DBX1: variants seen among roughly 807,000 people sequenced by gnomAD.
The protein encoded by DBX1 is developing brain homeobox 1.
Under a neutral mutation model 20.8 loss-of-function variants are expected in DBX1, and 10 were observed. That is an observed-to-expected ratio of 0.48 (90% confidence interval 0.30 to 0.82). DBX1 has a LOEUF of 0.82. Ranked by LOEUF, DBX1 falls within the 40% of genes least tolerant of loss-of-function variation. DBX1 has a pLI of 0.07. For synonymous variants in DBX1, 241 were observed against 213.9 expected (o/e 1.13, Z -1.11); for missense variants, 505 against 468.8 (o/e 1.08, Z -0.71).
chr11:20,156,551 C>G lies in DBX1; in HGVS notation c.695G>C (p.Arg232Pro). 1 of 1,614,046 alleles carries G rather than the reference C, an allele frequency of 6.2e-7. No individual in the cohort carries two copies. Among genetic ancestry groups the G allele is most frequent in the Non-Finnish European group, 8.5e-7 (1 of 1,180,022 alleles). Residue 232 changes from arginine (R) to proline (P), a missense_variant, in exon 4 of 4, where the codon CGA becomes CCA. Transcript: ENST00000524983. This position sits in a 1 kb window ranked among gnomAD's most constrained non-coding sequence, Gnocchi z 4.8. ...CTTGGAGTTCCGCCATTTCATGCGT[C>G]GGTTCTGGAACCAGATTTTCACCTG... is the stretch of plus-strand genomic sequence containing the variant. ...DSQVKIWFQN[R>P]RMKWRNSKER...
chr11:20,157,851 A>G (rs2063668472), intron 2 of DBX1, among the ~76,000 whole-genome samples: 1 of 152,166 alleles, frequency 6.6e-6, no homozygotes, highest in African/African-American at 2.4e-5. Flanking sequence ...GGGTATTGGT[A>G]TGATAAAAGG....
In DBX1 at chr11:20,159,280, G is replaced by A. The variant is rs1180976602; in HGVS notation, c.380C>T (p.Ala127Val). The change falls in exon 2 of 4, where the codon GCC becomes GTC. Residue 127 changes from alanine (A) to valine (V), a missense_variant. Transcript: ENST00000524983. ...SSGPRTETSP[A>V]LLQSVPPKTF... ...CTTGGGAGGGACGCTCTGGAGCAAG[G>A]CTGGGGATGTTTCTGGTGGGCGATG... The A allele has an allele frequency of 1.3e-5, 21 of 1,613,250 alleles. No individual in the cohort carries two copies. The highest frequency in any genetic ancestry group is 1.7e-5 in the Non-Finnish European group (20 of 1,179,388).
rs911395558 is a variant in DBX1, at chr11:20,157,075, T to A, written c.634A>T (p.Lys212Ter). The A allele has an allele frequency of 1.9e-6, 3 of 1,613,924 alleles. No homozygotes were observed. Among genetic ancestry groups the A allele is most frequent in the Non-Finnish European group, 2.5e-6 (3 of 1,180,006 alleles). ...AGGCCCAGCTTGGCCGCCAGCTTCT[T>A]GCGGTCGGGCTTGCTGATGTACTTC... ...KQKYISKPDR[K>*]KLAAKLGLKD... The change falls in exon 3 of 4, where the codon AAG becomes TAG. Residue 212 changes from lysine to a stop codon, truncating the protein, a stop_gained. Coordinates refer to ENST00000524983, the MANE Select transcript of DBX1 (RefSeq NM_001029865.4). LOFTEE classifies it low-confidence loss of function (END_TRUNC).
At chr11:20,157,706 T>G (rs796364624) in intron 2 of DBX1, among the ~76,000 whole-genome samples, 33 of 152,364 alleles carry the variant, frequency 2.2e-4, no homozygotes, top group African/African-American at 7.7e-4. Flanking sequence ...AAATCCGATT[T>G]AGATTTTTTG....
rs747897477 is a variant in DBX1 at position 20,160,301 on chromosome 11, C to T, written c.24G>A (p.Ala8=). The change falls in exon 1 of 4, where the codon GCG becomes GCA. Residue 8 remains alanine (A), a synonymous_variant. Coordinates refer to ENST00000524983, the MANE Select transcript of DBX1 (RefSeq NM_001029865.4). MMFPGLL[A]PPAGYPSLLR... ...GGAGGCTAGGGTACCCGGCGGGGGG[C>T]GCGAGGAGGCCGGGGAACATCATGG... 2 of 1,524,828 alleles carry T rather than the reference C, an allele frequency of 1.3e-6. No individual in the cohort carries two copies. Among genetic ancestry groups the T allele is most frequent in the African/African-American group, 1.4e-5 (1 of 72,412 alleles). The allele number at this position is 1,524,828 out of a possible 1,614,324, so 94.5% of individuals were successfully genotyped here.
At position 20,156,986 on chromosome 11, in the gene DBX1, G is replaced by T. The variant is rs760608013; in HGVS notation, c.672+51C>A. The T allele has an allele frequency of 6.4e-7, 1 of 1,568,090 alleles. No homozygotes were observed. The highest frequency in any genetic ancestry group is 8.7e-7 in the Non-Finnish European group (1 of 1,150,436). On this transcript the variant is annotated intron_variant, in intron 3 of 3. Transcript: ENST00000524983. This position sits in a 1 kb window ranked among gnomAD's most constrained non-coding sequence, Gnocchi z 4.8. ...CCTTGCAATTGACGGGTGCGCCGGG[G>T]AGGGGTGAAGGGCGGGGGCGGGGGG...
Position 20,157,036 on chromosome 11 carries a change from C to T in DBX1, c.672+1G>A. ...GGGTGCTGTGGAGGAAATGCGCTCA[C>T]CTGCGAGTCTTTCAGGCCCAGCTTG... On this transcript the variant is annotated splice_donor_variant, in intron 3 of 3. Coordinates refer to ENST00000524983, the MANE Select transcript of DBX1 (RefSeq NM_001029865.4). LOFTEE classifies it high-confidence loss of function. The T allele has an allele frequency of 5.6e-6, 9 of 1,613,780 alleles. No homozygotes were observed. Among genetic ancestry groups the T allele is most frequent in the Non-Finnish European group, 6.8e-6 (8 of 1,179,978 alleles).
At position 20,160,110 on chromosome 11, in the gene DBX1, G is replaced by A. The variant is rs954904069; in HGVS notation, c.215C>T (p.Thr72Met). The A allele has an allele frequency of 1.3e-6, 2 of 1,551,792 alleles. No individual in the cohort carries two copies. The highest frequency in any genetic ancestry group is 1.7e-6 in the Non-Finnish European group (2 of 1,147,226). Residue 72 changes from threonine (T) to methionine (M), a missense_variant, in exon 1 of 4, where the codon ACG (threonine) becomes ATG (methionine). By Grantham distance (81) the Thr-to-Met change is moderately conservative (BLOSUM62 -1). Transcript: ENST00000524983. ...SMSPPRQGAP[T>M]ALTDTGASDL... ...CGAGGCCCCCGTGTCGGTGAGGGCC[G>A]TGGGGGCCCCCTGCCTGGGCGGCGA...
In DBX1 at chr11:20,156,525, C is replaced by A; in HGVS notation, c.721G>T (p.Glu241Ter). ...NRRMKWRNSK[E>*]RELLSSGGCR... is the part of the protein sequence containing the mutation. ...CCCCCGCTAGACAGGAGTTCGCGCT[C>A]CTTGGAGTTCCGCCATTTCATGCGT... Residue 241 changes from glutamate to a stop codon, truncating the protein, a stop_gained, in exon 4 of 4, where the codon GAG becomes TAG. Transcript: ENST00000524983. LOFTEE classifies it high-confidence loss of function. This position sits in a 1 kb window ranked among gnomAD's most constrained non-coding sequence, Gnocchi z 4.8. 1 of 1,614,046 alleles carries A rather than the reference C, an allele frequency of 6.2e-7. No individual in the cohort carries two copies. Among genetic ancestry groups the A allele is most frequent in the Non-Finnish European group, 8.5e-7 (1 of 1,180,026 alleles).
chr11:20,157,317 C>G (rs987069150), intron 2 of DBX1, 78 bp from the exon 3 acceptor site: 3 of 1,330,344 alleles, frequency 2.3e-6, no homozygotes, highest in Non-Finnish European at 2.1e-6. Context: ...GCTTTTTGCT[C>G]TGATCCCTTC....
rs772688517 is a variant in DBX1 at position 20,159,333 on chromosome 11, CAGAA to C, written c.368-45_368-42del. The C allele has an allele frequency of 7.5e-4, 1,010 of 1,337,794 alleles. 2 individuals carry two copies. The highest frequency in any genetic ancestry group is 1.0e-3 in the Non-Finnish European group (941 of 929,634). 82.9% of individuals were successfully genotyped at this position (1,337,794 alleles called of 1,614,324 possible). A position where few individuals can be genotyped will look rare whatever the true frequency, so the allele number is the denominator to read the frequency against. On this transcript the variant is annotated intron_variant, in intron 1 of 3. Coordinates refer to ENST00000524983, the MANE Select transcript of DBX1 (RefSeq NM_001029865.4). Reference sequence around the variant, plus strand: ...GGGGGGACAGAAGGAGAGAGGGAGACAGAAAGAATCTGATTACGTACTTGCCTAT... The same window carrying C: ...GGGGGGACAGAAGGAGAGAGGGAGACAGAATCTGATTACGTACTTGCCTAT...
chr11:20,156,318 G>A lies in DBX1; in HGVS notation c.928C>T (p.Pro310Ser), dbSNP rs765981718. Reference protein sequence around the residue: ...LRDPRLPGPLPPSPAHSSSPG... With the variant: ...LRDPRLPGPLSPSPAHSSSPG... ...CTGCTCGAGTGCGCGGGCGAGGGGG[G>A]CAGCGGCCCTGGCAGCCGCGGGTCC... Residue 310 changes from proline to serine, a missense_variant, in exon 4 of 4, where the codon CCC (proline) becomes TCC (serine). Coordinates refer to ENST00000524983, the MANE Select transcript of DBX1 (RefSeq NM_001029865.4). This position sits in a 1 kb window ranked among gnomAD's most constrained non-coding sequence, Gnocchi z 4.8. The A allele has an allele frequency of 1.7e-5, 26 of 1,570,182 alleles. No individual in the cohort carries two copies. In the African/African-American group the frequency reaches 2.3e-4, roughly 14 times the overall value.
Position 20,156,444 on chromosome 11 carries a change from C to G in DBX1, c.802G>C (p.Val268Leu). 6.2e-7 allele frequency: 1 copy of G among 1,610,244 alleles called. No individual in the cohort carries two copies. The highest frequency in any genetic ancestry group is 8.5e-7 in the Non-Finnish European group (1 of 1,178,228). ...KLNPHPDLSD[V>L]GQKGPGNEEE... ...TCGTTCCCAGGGCCCTTCTGGCCCA[C>G]GTCGCTGAGGTCCGGGTGCGGATTG... Residue 268 changes from valine (V) to leucine (L), a missense_variant, in exon 4 of 4, where the codon GTG becomes CTG. Coordinates refer to ENST00000524983, the MANE Select transcript of DBX1 (RefSeq NM_001029865.4). This position sits in a 1 kb window ranked among gnomAD's most constrained non-coding sequence, Gnocchi z 4.8.
Position 20,156,507 on chromosome 11 carries a change from T to A in DBX1, c.739A>T (p.Ser247Cys), listed in dbSNP as rs758501706. The A allele has an allele frequency of 6.2e-7, 1 of 1,613,962 alleles. No individual in the cohort carries two copies. Reference protein sequence around the residue: ...RNSKERELLSSGGCREQTLPT... With the variant: ...RNSKERELLSCGGCREQTLPT... ...AGGGTCTGCTCGCGACAGCCCCCGC[T>A]AGACAGGAGTTCGCGCTCCTTGGAG... Residue 247 changes from serine to cysteine, a missense_variant, in exon 4 of 4, where the codon AGC becomes TGC. Coordinates refer to ENST00000524983, the MANE Select transcript of DBX1 (RefSeq NM_001029865.4). The surrounding 1 kb of genome is among the most constrained non-coding windows in gnomAD (Gnocchi z 4.8).
At chr11:20,157,998 C>T (rs528784330) in intron 2 of DBX1, among the ~76,000 whole-genome samples, 2 of 152,250 alleles carry the variant, frequency 1.3e-5, no homozygotes, top group South Asian at 4.1e-4. Flanking sequence ...CCATATATTA[C>T]TGGGACAAAA....
In DBX1 at chr11:20,156,330, G is replaced by A. The variant is rs781580440; in HGVS notation, c.916C>T (p.Pro306Ser). The change falls in exon 4 of 4, where the codon CCA becomes TCA. Residue 306 changes from proline (P) to serine (S), a missense_variant. By Grantham distance (74) the Pro-to-Ser change is moderately conservative. Coordinates refer to ENST00000524983, the MANE Select transcript of DBX1 (RefSeq NM_001029865.4). The surrounding 1 kb of genome is among the most constrained non-coding windows in gnomAD (Gnocchi z 4.8). ...GCGGGCGAGGGGGGCAGCGGCCCTG[G>A]CAGCCGCGGGTCCCGCAGGTGCTGG... ...DPQHLRDPRLPGPLPPSPAHS... is the reference protein window; with the variant it reads ...DPQHLRDPRLSGPLPPSPAHS... 3 of 1,580,472 alleles carry A rather than the reference G, an allele frequency of 1.9e-6. No individual in the cohort carries two copies. Among genetic ancestry groups the A allele is most frequent in the African/African-American group, 2.7e-5 (2 of 74,166 alleles).
At chr11:20,159,146 T>C (rs1291038391) in intron 2 of DBX1, 45 bp downstream of exon 2, 1 of 1,379,392 alleles carries the variant, frequency 7.2e-7, no homozygotes, top group Admixed American at 1.7e-5. Context: ...GGGCCGGGGC[T>C]GGGGCGCCGC....
In DBX1 at chr11:20,160,038, G is replaced by C. The variant is rs1379462202; in HGVS notation, c.287C>G (p.Pro96Arg). ...GPGSRRGGSP[P>R]TAFSPASETT... ...CTCGCTGGCAGGGGAGAAGGCAGTC[G>C]GCGGAGAGCCGCCCCGTCGGCTGCC... The change falls in exon 1 of 4, where the codon CCG (proline) becomes CGG (arginine). Residue 96 changes from proline to arginine, a missense_variant. Physicochemically the swap from Pro to Arg is moderately radical, Grantham distance 103. Coordinates refer to ENST00000524983, the MANE Select transcript of DBX1 (RefSeq NM_001029865.4). 6.3e-7 allele frequency: 1 copy of C among 1,599,472 alleles called. No homozygotes were observed. Among genetic ancestry groups the C allele is most frequent in the Non-Finnish European group, 8.5e-7 (1 of 1,173,390 alleles).
rs749139668 is a variant in DBX1 at position 20,160,018 on chromosome 11, T to C, written c.307A>G (p.Ser103Gly). The C allele has an allele frequency of 6.2e-7, 1 of 1,611,370 alleles. No homozygotes were observed. The change falls in exon 1 of 4, where the codon AGC becomes GGC. Residue 103 changes from serine (S) to glycine (G), a missense_variant. Physicochemically the swap from Ser to Gly is moderately conservative, Grantham distance 56 (BLOSUM62 0). Transcript: ENST00000524983. Reference sequence around the variant, plus strand: ...CCAAACTTCAGAAACGTCGTCTCGCTGGCAGGGGAGAAGGCAGTCGGCGGA... The same window carrying C: ...CCAAACTTCAGAAACGTCGTCTCGCCGGCAGGGGAGAAGGCAGTCGGCGGA... ...GSPPTAFSPA[S>G]ETTFLKFGVN...
Sources: gnomAD v4.1 joint callset for allele counts (sites outside exome capture counted in the v4.1 genomes callset) on GRCh38, gnomAD v4.1.1 for gene constraint, Gnocchi (gnomAD v3.1) non-coding constraint, MANE v1.5 for transcripts, NCBI Gene and HGNC (gene_info 2026-07-23, HGNC 2026-07-21) for gene names.